REPS2: variants seen among roughly 807,000 people sequenced by gnomAD.
The protein encoded by REPS2 is ralBP1-associated Eps domain-containing protein 2.
REPS2 carries 23 observed loss-of-function variants against 53.6 expected under a neutral mutation model. The observed-to-expected ratio is 0.43, with a 90% CI of 0.31 to 0.61. The LOEUF (loss-of-function observed/expected upper bound fraction) is 0.61, where lower values mean the gene tolerates loss of function less well. Among genes scored for constraint, REPS2 ranks in the 20% least tolerant of loss-of-function variants. The pLI is 0.11. For synonymous variants in REPS2, 238 were observed against 218.6 expected, an observed-to-expected ratio of 1.09 and a Z score of -0.78; for missense variants, 446 against 534.9, an observed-to-expected ratio of 0.83 and a Z score of 1.64.
chrX:17,002,814 A>G (rs1332335960), intron 1 of REPS2, among the ~76,000 whole-genome samples: 4 of 111,900 alleles, frequency 3.6e-5, no homozygotes, highest in African/African-American at 1.3e-4. Flanking sequence ...AGAATGGTGG[A>G]TGCCTTTCCT....
chrX:17,047,198 G>T, intron 5 of REPS2, 149 bp from the exon 6 acceptor site: 1 of 519,902 alleles, frequency 1.9e-6, no homozygotes, highest in Non-Finnish European at 3.1e-6. Context: ...TTCTGTTCTA[G>T]TTAGATTCTA....
At position 16,946,753 on chromosome X, in the gene REPS2, TGGC is replaced by T. The variant is rs746608999; in HGVS notation, c.-90_-88del. On this transcript the variant is annotated 5_prime_UTR_variant, in exon 1 of 18. Coordinates refer to ENST00000357277, the MANE Select transcript of REPS2 (RefSeq NM_004726.3). ...GGGGTGGTGGTGGCGGCGGCGGTGG[TGGC>T]GGCGGCGGCGGCGGCGGCAGCTGAG... 329 of 714,375 alleles carry T rather than the reference TGGC, an allele frequency of 4.6e-4. No homozygotes were observed. The highest frequency in any genetic ancestry group is 2.1e-3 in the South Asian group (30 of 14,315). The allele number at this position is 714,375 out of a possible 1,213,427, so 58.9% of individuals were successfully genotyped here.
intron 7 of REPS2, among the ~76,000 whole-genome samples, chrX:17,052,744 T>G (rs2062020253): frequency 8.9e-6 from 1 of 112,526 alleles, no homozygotes; most frequent in African/African-American, 3.2e-5. Flanking sequence ...ACATGAGACT[T>G]ACCATCCTGT....
intron 1 of REPS2, among the ~76,000 whole-genome samples, chrX:16,994,866 G>A (rs2061212546): frequency 8.9e-6 from 1 of 111,842 alleles, no homozygotes; most frequent in Non-Finnish European, 1.9e-5. Flanking sequence ...CAGAGCGTAG[G>A]TCTTGTGCCC....
chrX:17,134,040 A>T, intron 15 of REPS2, 133 bp downstream of exon 15: 1 of 517,549 alleles, frequency 1.9e-6, no homozygotes, highest in African/African-American at 2.3e-5. Flanking sequence ...ATTTCCTAGA[A>T]TGTGGGTTCT....
chrX:17,146,538 CTCAAG>C (rs1357894087), intron 17 of REPS2, among the ~76,000 whole-genome samples: 2 of 111,672 alleles, frequency 1.8e-5, no homozygotes, highest in African/African-American at 6.5e-5. Flanking sequence ...TATTATCTTT[CTCAAG>C]TCATTTGAAT....
chrX:17,056,944 T>C (rs1325367971), intron 8 of REPS2, among the ~76,000 whole-genome samples: 1 of 112,047 alleles, frequency 8.9e-6, no homozygotes, highest in African/African-American at 3.2e-5. Context: ...ACATATGTAT[T>C]AATTCCTTTG....
At chrX:17,105,664 T>G (rs2062865019) in intron 14 of REPS2, among the ~76,000 whole-genome samples, 1 of 111,917 alleles carries the variant, frequency 8.9e-6, no homozygotes, top group South Asian at 3.8e-4. Context: ...GCCTATCAGC[T>G]GCCTAACTAT....
intron 13 of REPS2, among the ~76,000 whole-genome samples, chrX:17,092,305 A>G (rs2062626752): frequency 8.9e-6 from 1 of 112,333 alleles, no homozygotes; most frequent in African/African-American, 3.2e-5. Context: ...AAATAAGAGG[A>G]TAAAAATTGT....
chrX:17,081,796 G>A (rs1426723903), intron 13 of REPS2, among the ~76,000 whole-genome samples: 1 of 112,214 alleles, frequency 8.9e-6, no homozygotes, highest in Non-Finnish European at 1.9e-5. Context: ...CCACACAGCT[G>A]CTGTGTTTGA....
At chrX:17,153,358 T>C (rs775329691), downstream of REPS2, 1 of 111,742 alleles carries the variant, frequency 8.9e-6, no homozygotes, top group South Asian at 3.8e-4. Flanking sequence ...GGAAAAGGAG[T>C]TGGGAGTCTT....
intron 13 of REPS2, among the ~76,000 whole-genome samples, chrX:17,092,777 C>CT (rs1247923918): frequency 1.6e-4 from 16 of 98,425 alleles, no homozygotes; most frequent in African/African-American, 4.1e-4. Flanking sequence ...TATTTTTTTT[C>CT]TTTTTTTTTT....
intron 2 of REPS2, among the ~76,000 whole-genome samples, chrX:17,008,179 G>A (rs1204186238): frequency 8.9e-6 from 1 of 112,379 alleles, no homozygotes. Flanking sequence ...GCTTTGATTA[G>A]TTGAAAGTTG....
At chrX:17,140,854 T>G (rs2148162465) in intron 17 of REPS2, among the ~76,000 whole-genome samples, 1 of 108,860 alleles carries the variant, frequency 9.2e-6, no homozygotes, top group South Asian at 4.0e-4. Flanking sequence ...CACTGCAAGC[T>G]CCGCCTCCTG....
intron 1 of REPS2, among the ~76,000 whole-genome samples, chrX:16,977,156 T>C (rs992469882): frequency 9.0e-6 from 1 of 111,724 alleles, no homozygotes; most frequent in Non-Finnish European, 1.9e-5. Flanking sequence ...GGGCCTTCTT[T>C]TGGCTTCTTG....
chrX:16,970,219 C>T (rs1182509190), intron 1 of REPS2, among the ~76,000 whole-genome samples: 3 of 102,695 alleles, frequency 2.9e-5, no homozygotes, highest in Non-Finnish European at 5.9e-5. Context: ...TTTTTTAAGA[C>T]GGAATCTCCC....
chrX:17,141,506 C>T (rs764187179), intron 17 of REPS2, among the ~76,000 whole-genome samples: 1 of 111,859 alleles, frequency 8.9e-6, no homozygotes, highest in Admixed American at 9.5e-5. Flanking sequence ...TAATAAGTCT[C>T]TGTATGGAAA....
chrX:17,186,192 A>T, the REPS2 span, among the ~76,000 whole-genome samples: 1 of 112,195 alleles, frequency 8.9e-6, no homozygotes, highest in Non-Finnish European at 1.9e-5. Context: ...AAGTGGGGGG[A>T]TTCTGCTTCA....
In REPS2 at chrX:17,132,924, A is replaced by G. The variant is rs187721015; in HGVS notation, c.1579-900A>G. On this transcript the variant is annotated intron_variant, in intron 14 of 17. Coordinates refer to ENST00000357277, the MANE Select transcript of REPS2 (RefSeq NM_004726.3). ...TGTGCTAACAACATGGCTTAAAATA[A>G]AGGCATAAAAACAATTCTGCATTTT... 2.7e-3 allele frequency among the ~76,000 whole-genome samples: 307 copies of G among 112,509 alleles called. 2 individuals are homozygous for G. Among genetic ancestry groups the G allele is most frequent in the African/African-American group, 9.7e-3 (301 of 30,936 alleles).
Sources: gnomAD v4.1 joint callset for allele counts (sites outside exome capture counted in the v4.1 genomes callset) on GRCh38, gnomAD v4.1.1 for gene constraint, MANE v1.5 for transcripts, NCBI Gene and HGNC (gene_info 2026-07-23, HGNC 2026-07-21) for gene names.